Variants in TBC1D19 observed in about 807,000 individuals in gnomAD.
TBC1D19 encodes the protein TBC1 domain family member 19, also known as TBC1 domain family, member 19.
A neutral mutation model predicts 89.0 loss-of-function variants in TBC1D19; 60 were observed. The ratio of observed to expected loss-of-function variants is 0.67; its 90% confidence interval spans 0.55 to 0.84. TBC1D19 has a LOEUF of 0.84. Ranked by LOEUF, TBC1D19 falls within the 40% of genes least tolerant of loss-of-function variation. The probability of loss-of-function intolerance (pLI) is 0.00; values close to 1 mark genes in which losing one functional copy is unlikely to be tolerated. For synonymous variants in TBC1D19, 189 were observed against 199.7 expected (o/e 0.95, Z 0.45); for missense variants, 500 against 610.8 (o/e 0.82, Z 1.91).
chr4:26,823,621 AGAT>A, the TBC1D19 span, among the ~76,000 whole-genome samples: 2 of 152,032 alleles, frequency 1.3e-5, no homozygotes, highest in Non-Finnish European at 2.9e-5. Context: ...ACCAGTGGAG[AGAT>A]GATAAGAGCC....
the TBC1D19 span, among the ~76,000 whole-genome samples, chr4:26,786,526 C>T: frequency 7.2e-5 from 11 of 151,954 alleles, no homozygotes; most frequent in South Asian, 4.2e-4. Context: ...CCCAGCTACT[C>T]GAGAGGCTGA....
At chr4:26,781,495 T>A in the TBC1D19 span, among the ~76,000 whole-genome samples, 1 of 152,098 alleles carries the variant, frequency 6.6e-6, no homozygotes, top group South Asian at 2.1e-4. Context: ...TAAAAGGAAA[T>A]TTACAGAACA....
chr4:26,732,000 A>G (rs1717692261), intron 15 of TBC1D19, among the ~76,000 whole-genome samples: 1 of 152,056 alleles, frequency 6.6e-6, no homozygotes, highest in South Asian at 2.1e-4. Context: ...AGGGTCCGGG[A>G]AAAAAAATTG....
At chr4:26,756,429 A>G (rs895712197), downstream of TBC1D19, among the ~76,000 whole-genome samples, 2 of 152,154 alleles carry the variant, frequency 1.3e-5, no homozygotes, top group African/African-American at 2.4e-5. Context: ...TAGCTTTTTT[A>G]AAAGAGGCAA....
intron 12 of TBC1D19, among the ~76,000 whole-genome samples, chr4:26,686,492 T>A (rs746009827): frequency 9.2e-5 from 14 of 152,074 alleles, no homozygotes; most frequent in Non-Finnish European, 1.9e-4. Flanking sequence ...ATCTGATAAT[T>A]TATACTAGTG....
chr4:26,815,725 A>G, the TBC1D19 span, among the ~76,000 whole-genome samples: 1 of 152,244 alleles, frequency 6.6e-6, no homozygotes, highest in Non-Finnish European at 1.5e-5. Flanking sequence ...CAGGCTAATT[A>G]CAGTAATTGT....
At chr4:26,692,520 G>A (rs1213579189) in intron 13 of TBC1D19, among the ~76,000 whole-genome samples, 2 of 152,146 alleles carry the variant, frequency 1.3e-5, no homozygotes, top group Non-Finnish European at 2.9e-5. Context: ...TCCACAATCC[G>A]GCTCCAGGGC....
the TBC1D19 span, among the ~76,000 whole-genome samples, chr4:26,766,880 G>A: frequency 5.3e-5 from 8 of 152,092 alleles, no homozygotes; most frequent in East Asian, 1.9e-4. Context: ...AACACTTTAC[G>A]AAGAAGAAGA....
chr4:26,710,514 C>G (rs1295510859), intron 13 of TBC1D19, among the ~76,000 whole-genome samples: 2 of 152,024 alleles, frequency 1.3e-5, no homozygotes, highest in African/African-American at 4.8e-5. Context: ...GTCTTTATAG[C>G]AGCATGATTT....
intron 7 of TBC1D19, among the ~76,000 whole-genome samples, chr4:26,642,089 A>G (rs1743584198): frequency 6.6e-6 from 1 of 152,166 alleles, no homozygotes; most frequent in East Asian, 1.9e-4. Flanking sequence ...CACCACAAAG[A>G]CACTCCTCGA....
intron 8 of TBC1D19, among the ~76,000 whole-genome samples, chr4:26,661,147 C>G (rs1694100545): frequency 6.6e-6 from 1 of 152,100 alleles, no homozygotes; most frequent in Admixed American, 6.6e-5. Context: ...CTCCTCCTCC[C>G]CCACAGAAGA....
intron 17 of TBC1D19, among the ~76,000 whole-genome samples, chr4:26,741,273 G>T (rs1718355757): frequency 6.6e-6 from 1 of 150,504 alleles, no homozygotes; most frequent in Admixed American, 6.6e-5. Flanking sequence ...GGAGAATGGC[G>T]TGAACCCGGG....
At chr4:26,813,245 T>C in the TBC1D19 span, among the ~76,000 whole-genome samples, 2 of 151,998 alleles carry the variant, frequency 1.3e-5, no homozygotes, top group African/African-American at 2.4e-5. Context: ...AGAAAGACCC[T>C]GTCTTAAACA....
At chr4:26,713,286 A>AGC (rs1208616042) in intron 13 of TBC1D19, among the ~76,000 whole-genome samples, 2 of 152,114 alleles carry the variant, frequency 1.3e-5, no homozygotes, top group African/African-American at 2.4e-5. Flanking sequence ...GGTACAGTTT[A>AGC]GCACTGTTAA....
At chr4:26,763,524 G>A in the TBC1D19 span, among the ~76,000 whole-genome samples, 17 of 152,324 alleles carry the variant, frequency 1.1e-4, no homozygotes, top group South Asian at 2.1e-3. Context: ...CCCGCCTTGA[G>A]TTGTCCCGCC....
chr4:26,640,969 AG>A (rs1331660200), intron 7 of TBC1D19, among the ~76,000 whole-genome samples: 3 of 152,238 alleles, frequency 2.0e-5, no homozygotes, highest in Non-Finnish European at 4.4e-5. Flanking sequence ...CTCTGGGGGC[AG>A]GGCATAGCTG....
intron 1 of TBC1D19, among the ~76,000 whole-genome samples, chr4:26,604,385 C>G (rs1240139897): frequency 6.6e-6 from 1 of 150,994 alleles, no homozygotes; most frequent in African/African-American, 2.4e-5. Flanking sequence ...ATCTCTTGAC[C>G]TTGTGATCCG....
intron 7 of TBC1D19, among the ~76,000 whole-genome samples, chr4:26,657,759 C>A (rs986753100): frequency 2.6e-5 from 4 of 152,152 alleles, no homozygotes; most frequent in Non-Finnish European, 4.4e-5. Flanking sequence ...TGTTTCCTGA[C>A]TTTTTAATGT....
At chr4:26,776,803 T>C in the TBC1D19 span, among the ~76,000 whole-genome samples, 1 of 152,198 alleles carries the variant, frequency 6.6e-6, no homozygotes, top group Non-Finnish European at 1.5e-5. Context: ...GGCTTAAAAT[T>C]AGATGGTCAT....
Sources: gnomAD v4.1 joint callset for allele counts (sites outside exome capture counted in the v4.1 genomes callset) on GRCh38, gnomAD v4.1.1 for gene constraint, MANE v1.5 for transcripts, NCBI Gene and HGNC (gene_info 2026-07-23, HGNC 2026-07-21) for gene names.